GPC5: variants seen among roughly 807,000 people sequenced by gnomAD.
GPC5 encodes glypican 5.
GPC5 carries 47 observed loss-of-function variants against 53.9 expected under a neutral mutation model. That is an observed-to-expected ratio of 0.87 (90% CI 0.69 to 1.11). GPC5 has a LOEUF of 1.11. Among genes scored for constraint, GPC5 ranks in the 50% most tolerant of loss-of-function variants. The pLI is 0.00. For synonymous variants in GPC5, 286 were observed against 263.3 expected, an observed-to-expected ratio of 1.09 and a Z score of -0.84; for missense variants, 748 against 713.1, an observed-to-expected ratio of 1.05 and a Z score of -0.56.
chr13:91,661,570 A>G (rs2034990025), intron 2 of GPC5, among the ~76,000 whole-genome samples: 1 of 152,218 alleles, frequency 6.6e-6, no homozygotes, highest in Non-Finnish European at 1.5e-5. Flanking sequence ...CTGTGGGGAA[A>G]AAAAAGTAGA....
chr13:91,704,084 T>G (rs1330632947), intron 3 of GPC5, among the ~76,000 whole-genome samples: 1 of 152,206 alleles, frequency 6.6e-6, no homozygotes, highest in South Asian at 2.1e-4. Flanking sequence ...AAGTAGAGTA[T>G]TGAAGTCCTC....
chr13:91,698,966 C>T (rs1298607487), intron 3 of GPC5, among the ~76,000 whole-genome samples: 1 of 152,172 alleles, frequency 6.6e-6, no homozygotes, highest in Admixed American at 6.5e-5. Context: ...ATTTCAGTGA[C>T]TTTACAGCTC....
At chr13:92,726,834 A>G (rs1818701717) in intron 7 of GPC5, among the ~76,000 whole-genome samples, 1 of 151,528 alleles carries the variant, frequency 6.6e-6, no homozygotes, top group Non-Finnish European at 1.5e-5. Context: ...TGTGAAGATA[A>G]TAAGTACTCG....
intron 6 of GPC5, among the ~76,000 whole-genome samples, chr13:91,990,955 G>A (rs377636625): frequency 1.2e-4 from 19 of 152,156 alleles, no homozygotes; most frequent in African/African-American, 4.1e-4. Context: ...TGTGTTTACC[G>A]AAATTATGGT....
At chr13:92,586,583 A>G (rs1177130170) in intron 7 of GPC5, among the ~76,000 whole-genome samples, 1 of 152,224 alleles carries the variant, frequency 6.6e-6, no homozygotes, top group Non-Finnish European at 1.5e-5. Context: ...TGGAATCAAC[A>G]AAGACGACTG....
chr13:91,799,080 C>A (rs1201596595), intron 5 of GPC5, among the ~76,000 whole-genome samples: 3 of 152,116 alleles, frequency 2.0e-5, no homozygotes, highest in Non-Finnish European at 4.4e-5. Flanking sequence ...ATGGAAACAA[C>A]CTAGGTGTTC....
rs574919196 is a variant in GPC5, at chr13:92,712,392, C to T, written c.1562-153890C>T. 2.0e-3 allele frequency among the ~76,000 whole-genome samples: 306 copies of T among 151,646 alleles called. 2 individuals are homozygous for T. Among genetic ancestry groups the T allele is most frequent in the African/African-American group, 7.2e-3 (300 of 41,420 alleles). On this transcript the variant is annotated intron_variant, in intron 7 of 7. Coordinates refer to ENST00000377067, the MANE Select transcript of GPC5 (RefSeq NM_004466.6). ...AAAATAAATTTCATTTAAAAATCAA[C>T]CCAGGATGGTGACAAACTTAAATGT...
chr13:92,495,123 G>A (rs192431714), intron 7 of GPC5, among the ~76,000 whole-genome samples: 1 of 152,264 alleles, frequency 6.6e-6, no homozygotes, highest in Admixed American at 6.5e-5. Flanking sequence ...AGTCTAGAAA[G>A]GTAACTTCCT....
chr13:92,215,449 G>T (rs1295383339), intron 7 of GPC5, among the ~76,000 whole-genome samples: 2 of 152,282 alleles, frequency 1.3e-5, no homozygotes, highest in Non-Finnish European at 2.9e-5. Context: ...AAGGAATCAA[G>T]TAGAAAGTAA....
chr13:92,505,460 T>C (rs1158698078), intron 7 of GPC5, among the ~76,000 whole-genome samples: 1 of 152,002 alleles, frequency 6.6e-6, no homozygotes, highest in Non-Finnish European at 1.5e-5. Flanking sequence ...TATTAACAAT[T>C]CCTGGTGCTG....
At chr13:92,723,102 T>C (rs1029157414) in intron 7 of GPC5, among the ~76,000 whole-genome samples, 7 of 151,702 alleles carry the variant, frequency 4.6e-5, no homozygotes, top group African/African-American at 1.7e-4. Flanking sequence ...GAGGCTTAAT[T>C]TCCTCTTCTT....
chr13:91,681,146 T>C (rs1447373582), intron 2 of GPC5, among the ~76,000 whole-genome samples: 1 of 152,162 alleles, frequency 6.6e-6, no homozygotes, highest in African/African-American at 2.4e-5. Context: ...GCTACATATG[T>C]AAATGTGAGA....
chr13:92,065,699 T>G (rs2041162261), intron 6 of GPC5, among the ~76,000 whole-genome samples: 1 of 152,182 alleles, frequency 6.6e-6, no homozygotes, highest in Non-Finnish European at 1.5e-5. Flanking sequence ...AAGCAAAAAT[T>G]AAATTTACAT....
At chr13:91,821,161 T>A (rs2038489217) in intron 5 of GPC5, among the ~76,000 whole-genome samples, 1 of 152,210 alleles carries the variant, frequency 6.6e-6, no homozygotes, top group African/African-American at 2.4e-5. Context: ...TGCTTCTCAA[T>A]AATATTTTAT....
rs138466589 is a variant in GPC5 at position 91,786,924 on chromosome 13, C to A, written c.1280+30504C>A. On this transcript the variant is annotated intron_variant, in intron 5 of 7. Transcript: ENST00000377067. ...CACAGGTCTGGCACATCTTTTGTTACATTTATCCATAAGTGTTTCTCTTTT... is the reference window on the plus strand; with the variant it reads ...CACAGGTCTGGCACATCTTTTGTTAAATTTATCCATAAGTGTTTCTCTTTT... Among the ~76,000 whole-genome samples the A allele has an allele frequency of 1.0e-3, 150 of 144,648 alleles. 1 individual carries two copies. In the East Asian group the frequency reaches 0.03, roughly 29 times the overall value. The allele number at this position is 144,648 out of a possible 152,430, so 94.9% of individuals were successfully genotyped here. A position where few individuals can be genotyped will look rare whatever the true frequency, so the allele number is the denominator to read the frequency against.
intron 7 of GPC5, among the ~76,000 whole-genome samples, chr13:92,707,892 A>G (rs1888005320): frequency 2.0e-5 from 3 of 152,124 alleles, no homozygotes; most frequent in Admixed American, 2.0e-4. Flanking sequence ...GATTTTTGGC[A>G]GAGACCATGA....
intron 7 of GPC5, among the ~76,000 whole-genome samples, chr13:92,762,049 A>C (rs1347808939): frequency 6.6e-6 from 1 of 152,148 alleles, no homozygotes; most frequent in East Asian, 1.9e-4. Flanking sequence ...AATAGAAAAA[A>C]AAAAGAACAC....
intron 6 of GPC5, among the ~76,000 whole-genome samples, chr13:91,989,695 A>C (rs1342894300): frequency 6.6e-6 from 1 of 152,218 alleles, no homozygotes; most frequent in Non-Finnish European, 1.5e-5. Flanking sequence ...TCAATAAGCA[A>C]GTGTTTCAAC....
intron 7 of GPC5, among the ~76,000 whole-genome samples, chr13:92,246,977 A>G (rs2042655855): frequency 6.6e-6 from 1 of 152,014 alleles, no homozygotes; most frequent in African/African-American, 2.4e-5. Flanking sequence ...TTCTCTTTCA[A>G]TTTTTTGCCG....
Sources: allele counts gnomAD v4.1 joint callset (sites outside exome capture counted in the v4.1 genomes callset), GRCh38; gene constraint gnomAD v4.1.1; transcripts MANE v1.5; gene names NCBI Gene and HGNC (gene_info 2026-07-23, HGNC 2026-07-21).